SLC9C1: variants seen among roughly 807,000 people sequenced by gnomAD.
The protein encoded by SLC9C1 is solute carrier family 9 member C1, also known as sodium/hydrogen exchanger 10.
Under a neutral mutation model 140.9 loss-of-function variants are expected in SLC9C1, and 97 were observed. The ratio of observed to expected loss-of-function variants is 0.69; its 90% CI spans 0.58 to 0.82. The LOEUF (loss-of-function observed/expected upper bound fraction) is 0.82, where lower values mean the gene tolerates loss of function less well. Ranked by LOEUF, SLC9C1 falls within the 40% of genes least tolerant of loss-of-function variation. SLC9C1 has a pLI of 0.00. For synonymous variants in SLC9C1, 440 were observed against 442.6 expected (o/e 0.99, Z 0.07); for missense variants, 1,340 against 1,389.3 (o/e 0.96, Z 0.56).
chr3:112,202,189 G>A, intron 18 of SLC9C1, 61 bp downstream of exon 18: 1 of 1,571,568 alleles, frequency 6.4e-7, no homozygotes, highest in Non-Finnish European at 8.6e-7. Context: ...AGAAAAAAAT[G>A]ATGGATGAGG....
At chr3:112,164,527 T>C (rs1334677739) in intron 26 of SLC9C1, among the ~76,000 whole-genome samples, 1 of 148,236 alleles carries the variant, frequency 6.7e-6, no homozygotes, top group Non-Finnish European at 1.5e-5. Flanking sequence ...CTCCTTCACT[T>C]ATGAAGCTTA....
chr3:112,183,349 C>CTTTTTTTTTTTTTTTTTT (rs200437815), intron 20 of SLC9C1, among the ~76,000 whole-genome samples: 1,164 of 95,192 alleles, frequency 0.012, 201 homozygotes, highest in African/African-American at 0.017. Flanking sequence ...AGCACCTTTT[C>CTTTTTTTTTTTTTTTTTT]TTTTTTTTTT....
At position 112,208,286 on chromosome 3, in the gene SLC9C1, A is replaced by T. The variant is rs1560067551; in HGVS notation, c.1878T>A (p.Phe626Leu). Residue 626 changes from phenylalanine (F) to leucine (L), a missense_variant, in exon 16 of 29, where the codon TTT (phenylalanine) becomes TTA (leucine). Physicochemically the swap from Phe to Leu is conservative, Grantham distance 22. Coordinates refer to ENST00000305815, the MANE Select transcript of SLC9C1 (RefSeq NM_183061.3). ...GGGATATCCAAGAGATTATAAAGGG[A>T]AATATATTCATTAATATCACAAGGT... ...VGYLVILMNI[F>L]PFIISWISQL... 1 of 1,610,434 alleles carries T rather than the reference A, an allele frequency of 6.2e-7. No homozygotes were observed.
chr3:112,221,312 G>T (rs2078535469), intron 13 of SLC9C1, 87 bp from the exon 14 acceptor site: 2 of 1,119,300 alleles, frequency 1.8e-6, no homozygotes, highest in Admixed American at 2.1e-5. Context: ...GTGTGATAAA[G>T]AAGTAAAAAC....
Position 112,204,212 on chromosome 3 carries a change from C to G in SLC9C1, c.2172+6G>C. 1 of 1,473,022 alleles carries G rather than the reference C, an allele frequency of 6.8e-7. No homozygotes were observed. Among genetic ancestry groups the G allele is most frequent in the Non-Finnish European group, 9.0e-7 (1 of 1,116,870 alleles). The allele number at this position is 1,473,022 out of a possible 1,614,324, so 91.2% of individuals were successfully genotyped here. On this transcript the variant is annotated splice_donor_region_variant and intron_variant, in intron 17 of 28. Transcript: ENST00000305815. The stretch of plus-strand genomic sequence containing the variant: ...TTAGAAATTGCACGATTTACTGGTT[C>G]TTTACCTTGAAAATGCGTAGTATAC...
At chr3:112,166,619 A>G (rs1259944219) in intron 26 of SLC9C1, among the ~76,000 whole-genome samples, 1 of 152,108 alleles carries the variant, frequency 6.6e-6, no homozygotes, top group African/African-American at 2.4e-5. Flanking sequence ...TGATTTCTAT[A>G]TTTCTATATT....
intron 13 of SLC9C1, among the ~76,000 whole-genome samples, chr3:112,224,992 T>G (rs2078645480): frequency 6.6e-6 from 1 of 151,972 alleles, no homozygotes; most frequent in African/African-American, 2.4e-5. Flanking sequence ...AACAGAAAAC[T>G]TCCAAGTTTT....
chr3:112,179,414 A>G, intron 23 of SLC9C1, 117 bp downstream of exon 23: 1 of 1,166,288 alleles, frequency 8.6e-7, no homozygotes, highest in Non-Finnish European at 1.2e-6. Context: ...TATAATTCCT[A>G]GTTTTTAAAA....
chr3:112,141,876 A>G (rs1283519362), intron 28 of SLC9C1, among the ~76,000 whole-genome samples: 2 of 152,126 alleles, frequency 1.3e-5, no homozygotes, highest in African/African-American at 4.8e-5. Context: ...AAAGATGTAT[A>G]TATATTGTAT....
At chr3:112,153,970 A>C (rs2075057761) in intron 27 of SLC9C1, among the ~76,000 whole-genome samples, 1 of 152,182 alleles carries the variant, frequency 6.6e-6, no homozygotes, top group Non-Finnish European at 1.5e-5. Context: ...GGTACTGGAG[A>C]ACAGTGTTGT....
Position 112,182,277 on chromosome 3 carries a change from G to A in SLC9C1, c.2524-19C>T, listed in dbSNP as rs750145833. 3 of 1,590,336 alleles carry A rather than the reference G, an allele frequency of 1.9e-6. No individual in the cohort carries two copies. The South Asian group carries it at 3.5e-5, about 19-fold the overall frequency. ...TGATTAACTAAAACATAAAATTTAAGAAAAGGGATGAACCAAACTGCTGTT... is the reference window on the plus strand; with the variant it reads ...TGATTAACTAAAACATAAAATTTAAAAAAAGGGATGAACCAAACTGCTGTT... On this transcript the variant is annotated intron_variant, in intron 20 of 28. Coordinates refer to ENST00000305815, the MANE Select transcript of SLC9C1 (RefSeq NM_183061.3).
chr3:112,167,344 G>C lies in SLC9C1; in HGVS notation c.3241C>G (p.Gln1081Glu), dbSNP rs144700995. The part of the protein sequence containing the change: ...FLIPITCHQI[Q>E]SIEDFTKVVI... ...ACTTTTGTGAAATCTTCAATACTTT[G>C]TATCTGAAAGTTGACAGAATGCAAG... is the stretch of plus-strand genomic sequence containing the variant. Residue 1081 changes from glutamine to glutamate, a missense_variant, in exon 26 of 29, where the codon CAA (glutamine) becomes GAA (glutamate). Transcript: ENST00000305815. 2 of 1,581,072 alleles carry C rather than the reference G, an allele frequency of 1.3e-6. No individual in the cohort carries two copies. Among genetic ancestry groups the C allele is most frequent in the African/African-American group, 2.7e-5 (2 of 73,398 alleles).
intron 20 of SLC9C1, among the ~76,000 whole-genome samples, chr3:112,187,784 T>C (rs1440949865): frequency 6.6e-6 from 1 of 152,110 alleles, no homozygotes; most frequent in African/African-American, 2.4e-5. Context: ...ACGAAAAGTT[T>C]TGCATATATT....
intron 15 of SLC9C1, among the ~76,000 whole-genome samples, chr3:112,210,103 T>G (rs995390688): frequency 1.3e-5 from 2 of 152,224 alleles, no homozygotes; most frequent in African/African-American, 4.8e-5. Context: ...GAAAACAATT[T>G]GGTGGTTACT....
At chr3:112,170,753 A>G (rs906143634) in intron 23 of SLC9C1, among the ~76,000 whole-genome samples, 3 of 152,210 alleles carry the variant, frequency 2.0e-5, no homozygotes, top group African/African-American at 2.4e-5. Flanking sequence ...TTTTGTGTAC[A>G]TTGGATTTTA....
At chr3:112,291,158 T>C (rs962656981) in intron 1 of SLC9C1, among the ~76,000 whole-genome samples, 10 of 152,292 alleles carry the variant, frequency 6.6e-5, no homozygotes, top group African/African-American at 2.2e-4. Flanking sequence ...TGTACTTAAG[T>C]GTGTTTTTGT....
At chr3:112,280,920 C>G in intron 2 of SLC9C1, 137 bp from the exon 3 acceptor site, 1 of 717,490 alleles carries the variant, frequency 1.4e-6, no homozygotes. Context: ...CTCCCTCACA[C>G]TTATCAGCAC....
intron 23 of SLC9C1, among the ~76,000 whole-genome samples, chr3:112,176,216 A>G (rs1001777401): frequency 2.0e-5 from 3 of 152,118 alleles, no homozygotes; most frequent in Admixed American, 2.0e-4. Context: ...GGGACTCCTC[A>G]TTCACTCACT....
chr3:112,155,752 A>G (rs1437130306), intron 26 of SLC9C1, among the ~76,000 whole-genome samples: 1 of 152,098 alleles, frequency 6.6e-6, no homozygotes, highest in African/African-American at 2.4e-5. Flanking sequence ...GTGTGGGGAG[A>G]GGAGGTAGCA....
Sources: gnomAD v4.1 joint callset for allele counts (sites outside exome capture counted in the v4.1 genomes callset) on GRCh38, gnomAD v4.1.1 for gene constraint, MANE v1.5 for transcripts, NCBI Gene and HGNC (gene_info 2026-07-23, HGNC 2026-07-21) for gene names.